The following IAPP variants were observed in gnomAD, a reference collection of about 807,000 sequenced individuals.
The protein encoded by IAPP is islet amyloid polypeptide.
IAPP carries 4 observed loss-of-function variants against 2.9 expected under a neutral mutation model. The observed-to-expected ratio is 1.39, with a 90% CI of 0.69 to 3.19. The LOEUF is 3.19. Ranked by LOEUF, IAPP falls within the 30% of genes most tolerant of loss-of-function variation. IAPP has a pLI of 0.01. For synonymous variants in IAPP, 40 were observed against 42.1 expected, an observed-to-expected ratio of 0.95 and a Z score of 0.19; for missense variants, 114 against 105.3, an observed-to-expected ratio of 1.08 and a Z score of -0.36.
At chr12:21,363,041 G>A (rs148840671) in intron 1 of IAPP, among the ~76,000 whole-genome samples, 44 of 152,182 alleles carry the variant, frequency 2.9e-4, no homozygotes, top group African/African-American at 7.5e-4. Context: ...TGCACCAAGC[G>A]GACCTAATAG....
At chr12:21,372,285 T>A (rs1939857517), upstream of IAPP, among the ~76,000 whole-genome samples, 1 of 152,188 alleles carries the variant, frequency 6.6e-6, no homozygotes, top group South Asian at 2.1e-4. Flanking sequence ...TGAATTTTTT[T>A]ATTCATTTGG....
upstream of IAPP, among the ~76,000 whole-genome samples, chr12:21,369,640 T>A (rs1484087495): frequency 6.6e-6 from 1 of 152,216 alleles, no homozygotes; most frequent in Admixed American, 6.5e-5. Flanking sequence ...TTTCTCCAAC[T>A]GTAGTGTGTA....
intron 1 of IAPP, among the ~76,000 whole-genome samples, chr12:21,361,867 C>G (rs564558932): frequency 6.6e-6 from 1 of 152,202 alleles, no homozygotes; most frequent in Non-Finnish European, 1.5e-5. Context: ...AAGAAATGAA[C>G]AAAGCCTCCA....
chr12:21,370,980 G>C (rs1253755384), upstream of IAPP, among the ~76,000 whole-genome samples: 2 of 152,224 alleles, frequency 1.3e-5, no homozygotes, highest in Non-Finnish European at 2.9e-5. Flanking sequence ...CGGTGTTACA[G>C]CTCTGGCATT....
chr12:21,373,529 C>G (rs1194190116), intron 2 of IAPP, 98 bp downstream of exon 2: 1 of 829,024 alleles, frequency 1.2e-6, no homozygotes, highest in African/African-American at 1.7e-5. Flanking sequence ...AGATTTCTGA[C>G]TATATCATAC....
At chr12:21,372,188 A>G (rs1189083268), upstream of IAPP, among the ~76,000 whole-genome samples, 1 of 152,194 alleles carries the variant, frequency 6.6e-6, no homozygotes, top group Non-Finnish European at 1.5e-5. Context: ...ATAATTGTAA[A>G]ATTTCTGTGT....
At chr12:21,378,111 A>G in intron 2 of IAPP, 126 bp from the exon 3 acceptor site, 1 of 831,758 alleles carries the variant, frequency 1.2e-6, no homozygotes, top group African/African-American at 1.7e-5. Context: ...GCAAACCAAA[A>G]CACTGAGTTA....
At chr12:21,360,996 G>A (rs996639798) in intron 1 of IAPP, among the ~76,000 whole-genome samples, 80 of 152,210 alleles carry the variant, frequency 5.3e-4, no homozygotes, top group Non-Finnish European at 1.0e-3. Context: ...AGAAACTTCT[G>A]CAGACTTAAA....
chr12:21,356,445 A>G (rs1488421375), intron 1 of IAPP, among the ~76,000 whole-genome samples: 1 of 152,058 alleles, frequency 6.6e-6, no homozygotes, highest in Non-Finnish European at 1.5e-5. Context: ...ATTTATACCT[A>G]AAGATAACAA....
At chr12:21,356,458 G>A (rs1220068540) in intron 1 of IAPP, among the ~76,000 whole-genome samples, 2 of 151,518 alleles carry the variant, frequency 1.3e-5, no homozygotes, top group Admixed American at 6.6e-5. Flanking sequence ...GATAACAATA[G>A]AAGAACGGGC....
intron 2 of IAPP, chr12:21,374,521 A>G (rs1940044182): frequency 6.6e-6 from 1 of 152,232 alleles, no homozygotes; most frequent in Admixed American, 6.5e-5. Flanking sequence ...AGATTTCTAC[A>G]GCACCTACGT....
Position 21,378,451 on chromosome 12 carries a change from T to G in IAPP, c.*25T>G. On this transcript the variant is annotated 3_prime_UTR_variant, in exon 3 of 3. Transcript: ENST00000240652. ...GAGGACAATGTAACTCTATAGTTAT[T>G]GTTTTATGTTCTAGTGATTTCCTGT... is the stretch of plus-strand genomic sequence containing the variant. The G allele has an allele frequency of 6.4e-7, 1 of 1,568,532 alleles. No individual in the cohort carries two copies. The highest frequency in any genetic ancestry group is 8.8e-7 in the Non-Finnish European group (1 of 1,138,362).
upstream of IAPP, among the ~76,000 whole-genome samples, chr12:21,370,382 G>A (rs1448191134): frequency 6.6e-6 from 1 of 151,616 alleles, no homozygotes; most frequent in Non-Finnish European, 1.5e-5. Context: ...ATAACGTGCA[G>A]GTTTGTTACA....
Position 21,373,348 on chromosome 12 carries a change from A to T in IAPP, c.-4A>T, listed in dbSNP as rs112357636. On this transcript the variant is annotated 5_prime_UTR_variant, in exon 2 of 3. In the 5' UTR this introduces an upstream ATG that the reference lacks. Coordinates refer to ENST00000240652, the MANE Select transcript of IAPP (RefSeq NM_000415.3). Reference sequence around the variant, plus strand: ...ATTATTCTTTGCAGAAAATTTGAGAAGCAATGGGCATCCTGAAGCTGCAAG... The same window carrying T: ...ATTATTCTTTGCAGAAAATTTGAGATGCAATGGGCATCCTGAAGCTGCAAG... 9.1e-5 allele frequency: 146 copies of T among 1,607,830 alleles called. 1 individual carries two copies. In the African/African-American group the frequency reaches 1.6e-3, roughly 17 times the overall value.
In IAPP at chr12:21,364,131, C is replaced by T. The variant is rs936516460; in HGVS notation, c.-16+9118C>T. On this transcript the variant is annotated intron_variant, in intron 1 of 2. Transcript: ENST00000539393. ...TTAGACCAATATCCCTGATGAACAT[C>T]GATGCAAAAATCCTCAATAAAATAC... Among the ~76,000 whole-genome samples, 7 of 152,176 alleles carry T rather than the reference C, an allele frequency of 4.6e-5. No individual in the cohort carries two copies. The East Asian group carries it at 9.7e-4, about 21-fold the overall frequency.
At chr12:21,378,143 TG>T (rs1239272040) in intron 2 of IAPP, 93 bp from the exon 3 acceptor site, 3 of 1,164,894 alleles carry the variant, frequency 2.6e-6, no homozygotes, top group Non-Finnish European at 3.8e-6. Context: ...ATTGTTTCTT[TG>T]GTTTTCATCA....
chr12:21,377,241 C>T (rs1280119110), intron 2 of IAPP, among the ~76,000 whole-genome samples: 1 of 152,006 alleles, frequency 6.6e-6, no homozygotes, highest in Non-Finnish European at 1.5e-5. Context: ...AGCATAAGAT[C>T]CAAGCAGGAA....
At chr12:21,367,602 T>A (rs1262248447) in intron 1 of IAPP, among the ~76,000 whole-genome samples, 1 of 151,980 alleles carries the variant, frequency 6.6e-6, no homozygotes, top group Non-Finnish European at 1.5e-5. Context: ...AAGAGGCAAA[T>A]GTTAATTAGA....
At chr12:21,363,966 G>T (rs1164857423) in intron 1 of IAPP, among the ~76,000 whole-genome samples, 1 of 152,168 alleles carries the variant, frequency 6.6e-6, no homozygotes, top group African/African-American at 2.4e-5. Context: ...TCTACCAGAG[G>T]TAAAAAGAGG....
Sources: gnomAD v4.1 joint callset for allele counts (sites outside exome capture counted in the v4.1 genomes callset) on GRCh38, gnomAD v4.1.1 for gene constraint, MANE v1.5 for transcripts, NCBI Gene and HGNC (gene_info 2026-07-23, HGNC 2026-07-21) for gene names.